TRRAP: variants seen among roughly 807,000 people sequenced by gnomAD.
TRRAP encodes transformation/transcription domain-associated protein.
TRRAP carries 41 observed loss-of-function variants against 438.8 expected under a neutral mutation model. That is an observed-to-expected ratio of 0.09 (90% CI 0.07 to 0.12). The LOEUF is 0.12. Among genes scored for constraint, TRRAP ranks in the 10% least tolerant of loss-of-function variants. The pLI is 1.00. For missense variants in TRRAP, 3,122 were observed against 5,055.1 expected (o/e 0.62, Z 11.60); for synonymous variants, 1,994 against 1,962.9 (o/e 1.02, Z -0.42).
In TRRAP at chr7:98,978,262, A is replaced by G; in HGVS notation, c.8437A>G (p.Arg2813Gly). 6.2e-7 allele frequency: 1 copy of G among 1,614,214 alleles called. No homozygotes were observed. Among genetic ancestry groups the G allele is most frequent in the Non-Finnish European group, 8.5e-7 (1 of 1,180,042 alleles). ...GGATAAAGCCAAAAAAGAACATGAGAGGAGTAACGCCTCCCCTGCTATTTT... is the reference window on the plus strand; with the variant it reads ...GGATAAAGCCAAAAAAGAACATGAGGGGAGTAACGCCTCCCCTGCTATTTT... ...AMDKAKKEHE[R>G]SNASPAIFPE... is the part of the protein sequence containing the mutation. Residue 2813 changes from arginine to glycine, a missense_variant, in exon 57 of 73, where the codon AGG becomes GGG. Arg to Gly is a moderately radical substitution (Grantham distance 125). This residue lies in a region of TRRAP where 992 missense variants were observed against 1,281.2 expected (regional missense o/e 0.77). Coordinates refer to ENST00000456197, the MANE Select transcript of TRRAP (RefSeq NM_001375524.1).
At position 98,880,603 on chromosome 7, in the gene TRRAP, T is replaced by A. The variant is rs367661243; in HGVS notation, c.-61-487T>A. Among the ~76,000 whole-genome samples the A allele has an allele frequency of 1.1e-4, 17 of 152,298 alleles. No individual in the cohort carries two copies. The East Asian group carries it at 3.1e-3, about 28-fold the overall frequency. On this transcript the variant is annotated intron_variant, in intron 1 of 72. Coordinates refer to ENST00000456197, the MANE Select transcript of TRRAP (RefSeq NM_001375524.1). ...ACCGCCCATGAGCTAAGAATGGTTTTATATTTTTAAATGGCTGGGGAAAAG... is the reference window on the plus strand; with the variant it reads ...ACCGCCCATGAGCTAAGAATGGTTTAATATTTTTAAATGGCTGGGGAAAAG...
intron 12 of TRRAP, among the ~76,000 whole-genome samples, chr7:98,905,617 G>T (rs1796691428): frequency 6.6e-6 from 1 of 152,202 alleles, no homozygotes; most frequent in South Asian, 2.1e-4. Flanking sequence ...GGTTCCACCT[G>T]CAGGAATAGA....
chr7:98,906,111 G>A (rs1306090998), intron 12 of TRRAP, 66 bp from the exon 13 acceptor site: 3 of 1,471,542 alleles, frequency 2.0e-6, no homozygotes, highest in Non-Finnish European at 2.8e-6. Flanking sequence ...CGAAAGCACT[G>A]TAAAGTAATT....
intron 11 of TRRAP, among the ~76,000 whole-genome samples, chr7:98,902,484 T>TA (rs1796513872): frequency 6.6e-6 from 1 of 152,204 alleles, no homozygotes; most frequent in Non-Finnish European, 1.5e-5. Flanking sequence ...AAATAAAAAT[T>TA]AAAGAGCTGA....
intron 70 of TRRAP, among the ~76,000 whole-genome samples, chr7:99,009,880 CTTTTTTTTTTTTTTT>C (rs138174570): frequency 2.1e-5 from 2 of 96,694 alleles, no homozygotes; most frequent in South Asian, 3.3e-4. Flanking sequence ...TCATTCTTCT[CTTTTTTTTTTTTTTT>C]TTTTTTTTTT....
At chr7:98,950,778 G>A in intron 38 of TRRAP, 98 bp from the exon 39 acceptor site, 1 of 1,369,010 alleles carries the variant, frequency 7.3e-7, no homozygotes, top group Non-Finnish European at 9.5e-7. Context: ...GTTCCAACTT[G>A]ATGGTGTGCT....
Position 99,012,080 on chromosome 7 carries a change from A to G in TRRAP, c.11347A>G (p.Ile3783Val). 2 of 1,613,276 alleles carry G rather than the reference A, an allele frequency of 1.2e-6. No individual in the cohort carries two copies. Among genetic ancestry groups the G allele is most frequent in the Non-Finnish European group, 1.7e-6 (2 of 1,179,220 alleles). Residue 3783 changes from isoleucine to valine, a missense_variant, in exon 73 of 73, where the codon ATT (isoleucine) becomes GTT (valine). Physicochemically the swap from Ile to Val is conservative, Grantham distance 29. Coordinates refer to ENST00000456197, the MANE Select transcript of TRRAP (RefSeq NM_001375524.1). The surrounding 1 kb of genome is among the most constrained non-coding windows in gnomAD (Gnocchi z 5.9). ...FAQPNFKVDG[I>V]LKTVLRDEII... ...TCTCTCCCTCACGCAGGTGGATGGC[A>G]TTCTGAAAACGGTTCTCCGGGACGA... is the stretch of plus-strand genomic sequence containing the variant.
intron 20 of TRRAP, 116 bp downstream of exon 20, chr7:98,917,795 A>G: frequency 7.3e-7 from 1 of 1,366,212 alleles, no homozygotes; most frequent in South Asian, 1.5e-5. Context: ...CTCTCTGTTT[A>G]ATTCATCTTC....
chr7:98,992,014 C>T (rs927129389), intron 64 of TRRAP, 123 bp from the exon 65 acceptor site: 1 of 1,078,586 alleles, frequency 9.3e-7, no homozygotes, highest in Non-Finnish European at 1.4e-6. Context: ...TATTTGCTTC[C>T]TTGGTCCAAA....
intron 67 of TRRAP, among the ~76,000 whole-genome samples, chr7:99,003,429 A>G (rs56860418): frequency 0.012 from 1,811 of 152,272 alleles, 38 homozygotes; most frequent in African/African-American, 0.042. Flanking sequence ...CTTTGACACG[A>G]GACCTAGGGC....
At chr7:98,971,671 C>T in intron 52 of TRRAP, 128 bp from the exon 53 acceptor site, 1 of 1,105,902 alleles carries the variant, frequency 9.0e-7, no homozygotes, top group Non-Finnish European at 1.3e-6. Context: ...TATTTAAATA[C>T]TTACACACTT....
intron 14 of TRRAP, among the ~76,000 whole-genome samples, chr7:98,909,365 G>A (rs374711751): frequency 4.6e-5 from 7 of 152,114 alleles, no homozygotes; most frequent in Admixed American, 1.3e-4. Flanking sequence ...CGGCTTGATC[G>A]CTAGGCTTGA....
chr7:98,975,053 C>T (rs902121351), intron 53 of TRRAP, among the ~76,000 whole-genome samples: 10 of 152,196 alleles, frequency 6.6e-5, no homozygotes, highest in Admixed American at 2.6e-4. Context: ...TCTTGGTCTC[C>T]GCTAAACTGA....
chr7:98,965,881 A>G lies in TRRAP; in HGVS notation c.7162A>G (p.Met2388Val), dbSNP rs201922950. The G allele has an allele frequency of 2.4e-5, 38 of 1,614,184 alleles. No individual in the cohort carries two copies. Among genetic ancestry groups the G allele is most frequent in the South Asian group, 7.7e-5 (7 of 91,080 alleles). The change falls in exon 49 of 73, where the codon ATG becomes GTG. Residue 2388 changes from methionine to valine, a missense_variant. This residue lies in a region of TRRAP where 992 missense variants were observed against 1,281.2 expected (regional missense o/e 0.77). Coordinates refer to ENST00000456197, the MANE Select transcript of TRRAP (RefSeq NM_001375524.1). ...AGAATGGGTCAAGAATAACTCCCCAATGGCAGCCAATCAGGTGAGCTGGGA... is the reference window on the plus strand; with the variant it reads ...AGAATGGGTCAAGAATAACTCCCCAGTGGCAGCCAATCAGGTGAGCTGGGA... Reference protein sequence around the residue: ...VEEWVKNNSPMAANQTPTLRE... With the variant: ...VEEWVKNNSPVAANQTPTLRE...
rs1328660028 is a variant in TRRAP, at chr7:98,967,538, T to C, written c.7352T>C (p.Leu2451Pro). ...ACGGCGAAACTTGAGCCTGCCTTTC[T>C]CTCTGGGCTGCGCTGTGCCCAGCCA... ...ELTAKLEPAF[L>P]SGLRCAQPLI... The change falls in exon 51 of 73, where the codon CTC becomes CCC. Residue 2451 changes from leucine to proline, a missense_variant. By Grantham distance (98) the Leu-to-Pro change is moderately conservative (BLOSUM62 -3). This residue lies in a region of TRRAP where 992 missense variants were observed against 1,281.2 expected (regional missense o/e 0.77). Coordinates refer to ENST00000456197, the MANE Select transcript of TRRAP (RefSeq NM_001375524.1). 1 of 1,613,944 alleles carries C rather than the reference T, an allele frequency of 6.2e-7. No homozygotes were observed. Among genetic ancestry groups the C allele is most frequent in the Non-Finnish European group, 8.5e-7 (1 of 1,180,022 alleles).
intron 9 of TRRAP, 82 bp downstream of exon 9, chr7:98,899,581 T>C: frequency 3.7e-6 from 6 of 1,603,694 alleles, no homozygotes; most frequent in South Asian, 1.1e-5. Flanking sequence ...ATGTGTATAA[T>C]ACACACATGC....
At chr7:98,962,704 T>C (rs908507550) in intron 47 of TRRAP, among the ~76,000 whole-genome samples, 3 of 152,210 alleles carry the variant, frequency 2.0e-5, no homozygotes, top group African/African-American at 7.2e-5. Context: ...GCCACCCCAG[T>C]GTCACACTAA....
In TRRAP at chr7:99,012,094, T is replaced by C. The variant is rs1052191466; in HGVS notation, c.11361T>C (p.Val3787=). The change falls in exon 73 of 73, where the codon GTT becomes GTC. Residue 3787 remains valine (V), a synonymous_variant. Coordinates refer to ENST00000456197, the MANE Select transcript of TRRAP (RefSeq NM_001375524.1). This position sits in a 1 kb window ranked among gnomAD's most constrained non-coding sequence, Gnocchi z 5.9. ...NFKVDGILKT[V]LRDEIIAWHK... ...AGGTGGATGGCATTCTGAAAACGGT[T>C]CTCCGGGACGAGATCATTGCTTGGC... The C allele has an allele frequency of 3.1e-6, 5 of 1,613,546 alleles. No individual in the cohort carries two copies. The African/African-American group carries it at 6.7e-5, about 22-fold the overall frequency.
At chr7:98,896,935 A>T (rs1470324670) in intron 7 of TRRAP, among the ~76,000 whole-genome samples, 1 of 140,298 alleles carries the variant, frequency 7.1e-6, no homozygotes, top group Admixed American at 6.6e-5. Flanking sequence ...CCTGGCTTTT[A>T]AAAATGTCCT....
Sources: allele counts gnomAD v4.1 joint callset (sites outside exome capture counted in the v4.1 genomes callset), GRCh38; gene constraint gnomAD v4.1.1; regional missense constraint gnomAD v4.1.1; non-coding constraint Gnocchi (gnomAD v3.1); transcripts MANE v1.5; gene names NCBI Gene and HGNC (gene_info 2026-07-23, HGNC 2026-07-21).